The following ERG variants were observed in gnomAD, a reference collection of about 807,000 sequenced individuals.
The protein encoded by ERG is transcriptional regulator ERG.
Under a neutral mutation model 55.3 loss-of-function variants are expected in ERG, and 9 were observed. That is an observed-to-expected ratio of 0.16 (90% CI 0.10 to 0.28). The LOEUF (loss-of-function observed/expected upper bound fraction) is 0.28, where lower values mean the gene tolerates loss of function less well. Among genes scored for constraint, ERG ranks in the 10% least tolerant of loss-of-function variants. The pLI, the probability that ERG is intolerant of heterozygous loss-of-function variation, is 1.00. For synonymous variants in ERG, 223 were observed against 237.3 expected (o/e 0.94, Z 0.55); for missense variants, 434 against 631.6 (o/e 0.69, Z 3.35).
chr21:38,638,733 A>G (rs947674736), intron 1 of ERG, among the ~76,000 whole-genome samples: 3 of 152,172 alleles, frequency 2.0e-5, no homozygotes, highest in African/African-American at 7.2e-5. Flanking sequence ...AGAGGGTGGG[A>G]GCAGGGCAAG....
chr21:38,565,054 T>G (rs1460927138), intron 2 of ERG, among the ~76,000 whole-genome samples: 1 of 152,192 alleles, frequency 6.6e-6, no homozygotes, highest in Non-Finnish European at 1.5e-5. Context: ...GATGTCCCTT[T>G]TAGAGTAGGT....
chr21:38,368,373 C>T, the ERG span, among the ~76,000 whole-genome samples: 5 of 143,336 alleles, frequency 3.5e-5, no homozygotes, highest in East Asian at 4.0e-4. Context: ...CCCTTTGGTG[C>T]GACAGTGAGT....
chr21:38,386,825 C>A (rs1021704668), intron 9 of ERG, among the ~76,000 whole-genome samples: 3 of 151,662 alleles, frequency 2.0e-5, no homozygotes, highest in African/African-American at 7.3e-5. Flanking sequence ...AACATCCTTG[C>A]GATGTCAGTA....
At chr21:38,654,475 A>G (rs1389476324) in intron 1 of ERG, among the ~76,000 whole-genome samples, 1 of 152,258 alleles carries the variant, frequency 6.6e-6, no homozygotes, top group African/African-American at 2.4e-5. Flanking sequence ...CCATCTCTAA[A>G]TAAATAAATA....
chr21:38,541,134 A>G (rs2059749216), intron 2 of ERG, among the ~76,000 whole-genome samples: 1 of 152,176 alleles, frequency 6.6e-6, no homozygotes, highest in South Asian at 2.1e-4. Flanking sequence ...AATGCTGTGG[A>G]ATCCATCTGG....
chr21:38,468,112 AG>A (rs2059106395), intron 1 of ERG, among the ~76,000 whole-genome samples: 1 of 152,176 alleles, frequency 6.6e-6, no homozygotes, highest in African/African-American at 2.4e-5. Flanking sequence ...TAGTGCTTCA[AG>A]TGAAAGGGCT....
chr21:38,567,973 C>T (rs2059933457), intron 2 of ERG, among the ~76,000 whole-genome samples: 1 of 152,216 alleles, frequency 6.6e-6, no homozygotes, highest in Non-Finnish European at 1.5e-5. Context: ...AGTTTAGCGT[C>T]TTTTATGGTC....
intron 1 of ERG, among the ~76,000 whole-genome samples, chr21:38,597,262 T>C (rs1309668254): frequency 6.6e-6 from 1 of 152,156 alleles, no homozygotes; most frequent in Non-Finnish European, 1.5e-5. Context: ...TAAATATGGA[T>C]CAATATAATG....
chr21:38,625,902 A>C (rs1157549867), intron 1 of ERG, among the ~76,000 whole-genome samples: 2 of 151,100 alleles, frequency 1.3e-5, no homozygotes, highest in African/African-American at 4.9e-5. Flanking sequence ...CAATAAAAAT[A>C]ATACTTGAAG....
intron 1 of ERG, among the ~76,000 whole-genome samples, chr21:38,576,706 C>T (rs1048582704): frequency 6.6e-6 from 1 of 152,158 alleles, no homozygotes; most frequent in African/African-American, 2.4e-5. Context: ...GGGTGCCTTG[C>T]CTCCTGGCCA....
intron 2 of ERG, among the ~76,000 whole-genome samples, chr21:38,513,139 AAT>A (rs1205296584): frequency 2.2e-5 from 2 of 90,156 alleles, no homozygotes; most frequent in Non-Finnish European, 5.0e-5. Flanking sequence ...CAAAAAAAAA[AAT>A]AATAATAATA....
chr21:38,653,733 A>C (rs990487770), intron 1 of ERG, among the ~76,000 whole-genome samples: 2 of 152,180 alleles, frequency 1.3e-5, no homozygotes, highest in African/African-American at 4.8e-5. Context: ...TTGTTCGTCT[A>C]ATCTCTAGAC....
chr21:38,417,615 C>A (rs916698676), intron 3 of ERG, among the ~76,000 whole-genome samples: 2 of 151,898 alleles, frequency 1.3e-5, no homozygotes, highest in African/African-American at 4.8e-5. Flanking sequence ...ATGGTGAAAC[C>A]CCGTCTCTAC....
At chr21:38,524,634 TG>T (rs1237738024) in intron 2 of ERG, among the ~76,000 whole-genome samples, 1 of 152,170 alleles carries the variant, frequency 6.6e-6, no homozygotes, top group Non-Finnish European at 1.5e-5. Flanking sequence ...AAAGGACCTT[TG>T]GTAATTAAAC....
chr21:38,607,323 GA>G (rs994628839), intron 1 of ERG, among the ~76,000 whole-genome samples: 2 of 152,056 alleles, frequency 1.3e-5, no homozygotes, highest in Non-Finnish European at 2.9e-5. Flanking sequence ...ACCCAGAAAG[GA>G]AAAAAATGAA....
At chr21:38,627,535 G>A (rs1379286788) in intron 1 of ERG, among the ~76,000 whole-genome samples, 1 of 152,088 alleles carries the variant, frequency 6.6e-6, no homozygotes, top group Non-Finnish European at 1.5e-5. Flanking sequence ...AACATGCTTA[G>A]AGACATAGTA....
chr21:38,454,159 CT>C (rs1439882588), intron 1 of ERG, among the ~76,000 whole-genome samples: 1 of 152,070 alleles, frequency 6.6e-6, no homozygotes, highest in Non-Finnish European at 1.5e-5. Flanking sequence ...TATTTTTTAT[CT>C]AGTTTTAAAT....
intron 9 of ERG, among the ~76,000 whole-genome samples, chr21:38,384,904 G>A (rs1219051540): frequency 4.0e-5 from 6 of 151,398 alleles, no homozygotes; most frequent in South Asian, 2.1e-4. Flanking sequence ...CAAGCGCATC[G>A]TAACGGAAAC....
chr21:38,458,309 AG>A (rs2059008653), intron 1 of ERG, among the ~76,000 whole-genome samples: 1 of 151,924 alleles, frequency 6.6e-6, no homozygotes, highest in South Asian at 2.1e-4. Flanking sequence ...CTGTAATCCC[AG>A]CTACTCGGTA....
Sources: allele counts gnomAD v4.1 joint callset (sites outside exome capture counted in the v4.1 genomes callset), GRCh38; gene constraint gnomAD v4.1.1; transcripts MANE v1.5; gene names NCBI Gene and HGNC (gene_info 2026-07-23, HGNC 2026-07-21).